The following ZBED6 variants were observed in gnomAD, a reference collection of about 807,000 sequenced individuals.
The protein encoded by ZBED6 is zinc finger BED domain-containing protein 6.
ZBED6 carries 40 observed loss-of-function variants against 58.4 expected under a neutral mutation model. That is an observed-to-expected ratio of 0.68 (90% CI 0.53 to 0.89). The LOEUF is 0.89. Among genes scored for constraint, ZBED6 ranks in the 40% least tolerant of loss-of-function variants. The probability of loss-of-function intolerance (pLI) is 0.00; values close to 1 mark genes in which losing one functional copy is unlikely to be tolerated. For synonymous variants in ZBED6, 439 were observed against 350.6 expected (o/e 1.25, Z -2.82); for missense variants, 1,057 against 1,003.9 (o/e 1.05, Z -0.71).
At chr1:203,807,359 C>T (rs1177889126) in intron 1 of ZBED6, among the ~76,000 whole-genome samples, 1 of 152,182 alleles carries the variant, frequency 6.6e-6, no homozygotes, top group African/African-American at 2.4e-5. Context: ...GATCATAGCT[C>T]AGTGCAACCT....
intron 11 of ZBED6, among the ~76,000 whole-genome samples, chr1:203,845,289 C>G (rs1186653690): frequency 6.6e-6 from 1 of 152,036 alleles, no homozygotes; most frequent in East Asian, 1.9e-4. Flanking sequence ...GGGAGGGAAA[C>G]AGGGCCTCTA....
chr1:203,810,279 C>T (rs1359796505), intron 1 of ZBED6, among the ~76,000 whole-genome samples: 2 of 151,732 alleles, frequency 1.3e-5, no homozygotes, highest in African/African-American at 4.8e-5. Context: ...CCTGGCCTTG[C>T]CGTTTTCTTG....
At chr1:203,818,160 GCAGTGGAGCA>G (rs1188144558) in intron 2 of ZBED6, among the ~76,000 whole-genome samples, 1 of 152,068 alleles carries the variant, frequency 6.6e-6, no homozygotes, top group Non-Finnish European at 1.5e-5. Context: ...CATAAAGTAT[GCAGTGGAGCA>G]CAGTTATATT....
chr1:203,798,636 A>G, exon 1 of ZBED6: 27 of 1,536,148 alleles, frequency 1.8e-5, no homozygotes, highest in South Asian at 4.8e-5. Context: ...AGATGAACCT[A>G]TGTTAGAGGT....
intron 1 of ZBED6, among the ~76,000 whole-genome samples, chr1:203,809,481 C>CT (rs556683369): frequency 1.3e-5 from 2 of 152,036 alleles, no homozygotes; most frequent in African/African-American, 4.8e-5. Context: ...CAGCCCCACT[C>CT]TTTTTTCATA....
intron 3 of ZBED6, among the ~76,000 whole-genome samples, chr1:203,825,804 AT>A (rs200102832): frequency 6.7e-6 from 1 of 150,066 alleles, no homozygotes; most frequent in Non-Finnish European, 1.5e-5. Context: ...GTCACTTGTG[AT>A]TTTTTTTTTA....
intron 1 of ZBED6, among the ~76,000 whole-genome samples, chr1:203,815,384 T>A (rs1167952780): frequency 9.0e-6 from 1 of 111,514 alleles, no homozygotes; most frequent in East Asian, 2.2e-4. Context: ...CCCAGCTTTT[T>A]TTTTTTTTTT....
chr1:203,834,444 G>C (rs911617218), intron 9 of ZBED6, among the ~76,000 whole-genome samples: 1 of 151,702 alleles, frequency 6.6e-6, no homozygotes, highest in Admixed American at 6.6e-5. Context: ...GCTAATTTTT[G>C]TATTTTTTAT....
At chr1:203,852,695 C>G in exon 17 of ZBED6, 1 of 407,046 alleles carries the variant, frequency 2.5e-6, no homozygotes, top group Admixed American at 4.2e-5. Flanking sequence ...TGAAAGGGTG[C>G]AAGCGAACTT....
chr1:203,797,393 T>A, exon 1 of ZBED6: 1 of 860,754 alleles, frequency 1.2e-6, no homozygotes, highest in South Asian at 2.1e-5. Flanking sequence ...AAGTTATTGG[T>A]CCAGTGGGAA....
At chr1:203,847,564 G>A (rs906001701) in exon 12 of ZBED6, 1 of 1,613,912 alleles carries the variant, frequency 6.2e-7, no homozygotes, top group Non-Finnish European at 8.5e-7. Flanking sequence ...CAAGACGCTG[G>A]AAGAAATTAA....
chr1:203,807,866 C>T (rs141467137), intron 1 of ZBED6, among the ~76,000 whole-genome samples: 4 of 152,086 alleles, frequency 2.6e-5, no homozygotes, highest in African/African-American at 7.2e-5. Flanking sequence ...CTCAGCGTCC[C>T]AAGTAGCTGG....
rs536266349 is a variant in ZBED6, at chr1:203,825,064, G to A, written c.*2874-3235G>A. 4.2e-5 allele frequency among the ~76,000 whole-genome samples: 5 copies of A among 118,570 alleles called. No homozygotes were observed. The East Asian group carries it at 1.3e-3, about 30-fold the overall frequency. 77.8% of individuals were successfully genotyped at this position (118,570 alleles called of 152,430 possible). A position where few individuals can be genotyped will look rare whatever the true frequency, so the allele number is the denominator to read the frequency against. ...TGCACTCCAACCTGGGCAACAGAGCGAGACTCCGTCTCAAAAAAAAAAAAA... is the reference window on the plus strand; with the variant it reads ...TGCACTCCAACCTGGGCAACAGAGCAAGACTCCGTCTCAAAAAAAAAAAAA... On this transcript the variant is annotated intron_variant, in intron 3 of 16. Transcript: ENST00000550078.
At chr1:203,848,614 G>A (rs150871406) in intron 13 of ZBED6, among the ~76,000 whole-genome samples, 94 of 152,232 alleles carry the variant, frequency 6.2e-4, no homozygotes, top group Middle Eastern at 3.4e-3. Context: ...TTTGCCGGGC[G>A]CGGTGGCTCA....
chr1:203,828,207 A>G (rs35073773), intron 3 of ZBED6, 92 bp from the exon 4 acceptor site: 187,471 of 1,482,064 alleles, frequency 0.13, 13,356 homozygotes, highest in Non-Finnish European at 0.14. Flanking sequence ...GGATTTTTGA[A>G]CCCTGTATGA....
chr1:203,852,246 C>T (rs1689490758), exon 17 of ZBED6: 1 of 1,613,556 alleles, frequency 6.2e-7, no homozygotes, highest in Admixed American at 1.7e-5. Context: ...TCAGCTCTGC[C>T]TCAACAGGAA....
intron 3 of ZBED6, among the ~76,000 whole-genome samples, chr1:203,825,486 G>C (rs1270498893): frequency 6.9e-6 from 1 of 144,084 alleles, no homozygotes; most frequent in Non-Finnish European, 1.5e-5. Flanking sequence ...CCAGGCTGGA[G>C]TGCAGTGGCT....
intron 9 of ZBED6, 103 bp downstream of exon 9, chr1:203,833,956 CT>C: frequency 7.0e-7 from 1 of 1,422,632 alleles, no homozygotes. Context: ...ATTGGTGCCC[CT>C]GTATTGGCTG....
intron 1 of ZBED6, among the ~76,000 whole-genome samples, chr1:203,808,442 C>T (rs1389565339): frequency 6.6e-6 from 1 of 152,176 alleles, no homozygotes; most frequent in African/African-American, 2.4e-5. Context: ...AAGAAAAGTT[C>T]TGCCTGGCAT....
Sources: gnomAD v4.1 joint callset for allele counts (sites outside exome capture counted in the v4.1 genomes callset) on GRCh38, gnomAD v4.1.1 for gene constraint, MANE v1.5 for transcripts, NCBI Gene and HGNC (gene_info 2026-07-23, HGNC 2026-07-21) for gene names.